The following OPCML variants were observed in gnomAD, a reference collection of about 807,000 sequenced individuals.
OPCML encodes opioid-binding protein/cell adhesion molecule.
Under a neutral mutation model 37.8 loss-of-function variants are expected in OPCML, and 13 were observed. That is an observed-to-expected ratio of 0.34 (90% CI 0.22 to 0.55). The LOEUF is 0.55. Ranked by LOEUF, OPCML falls within the 20% of genes least tolerant of loss-of-function variation. OPCML has a pLI of 0.91. For missense variants in OPCML, 341 were observed against 435.6 expected, an observed-to-expected ratio of 0.78 and a Z score of 1.93; for synonymous variants, 176 against 168.8, an observed-to-expected ratio of 1.04 and a Z score of -0.33.
chr11:132,828,062 A>G (rs1459217108), intron 2 of OPCML, among the ~76,000 whole-genome samples: 1 of 152,318 alleles, frequency 6.6e-6, no homozygotes, highest in East Asian at 1.9e-4. Flanking sequence ...ATTCAGTGCT[A>G]ACAAGAGATG....
chr11:133,125,033 G>A (rs886404986), intron 1 of OPCML, among the ~76,000 whole-genome samples: 1 of 152,082 alleles, frequency 6.6e-6, no homozygotes, highest in African/African-American at 2.4e-5. Flanking sequence ...AGCCCCAATG[G>A]CCTAAGCTCC....
intron 6 of OPCML, 80 bp downstream of exon 6, chr11:132,436,579 C>A: frequency 6.4e-7 from 1 of 1,572,194 alleles, no homozygotes; most frequent in Non-Finnish European, 8.6e-7. Context: ...TTCCCCTTTT[C>A]TTCATCCTCA....
intron 2 of OPCML, among the ~76,000 whole-genome samples, chr11:132,764,743 C>T (rs1759208605): frequency 6.6e-6 from 1 of 152,176 alleles, no homozygotes; most frequent in Admixed American, 6.5e-5. Context: ...CTCTTTGAGC[C>T]TCTCATTCAC....
chr11:132,708,846 T>C (rs920724574), intron 2 of OPCML, among the ~76,000 whole-genome samples: 6 of 152,182 alleles, frequency 3.9e-5, no homozygotes, highest in African/African-American at 1.2e-4. Flanking sequence ...CACCAGATAT[T>C]AAACGATAAT....
Position 133,523,250 on chromosome 11 carries a change from C to T in OPCML, c.61+9014G>A, listed in dbSNP as rs1010621176. ...ATGGGATTTCTAAAAACAACCTATTCCTTGTTCCAGGACAAGATCACACCT... is the reference window on the plus strand; with the variant it reads ...ATGGGATTTCTAAAAACAACCTATTTCTTGTTCCAGGACAAGATCACACCT... On this transcript the variant is annotated intron_variant, in intron 1 of 7. Coordinates refer to ENST00000524381, the MANE Select transcript of OPCML (RefSeq NM_001012393.5). Among the ~76,000 whole-genome samples, 4 of 152,250 alleles carry T rather than the reference C, an allele frequency of 2.6e-5. No homozygotes were observed. The East Asian group carries it at 7.7e-4, about 29-fold the overall frequency.
At position 132,437,277 on chromosome 11, in the gene OPCML, G is replaced by A. The variant is rs560079674; in HGVS notation, c.588C>T (p.Ser196=). The A allele has an allele frequency of 9.0e-5, 145 of 1,614,170 alleles. 4 individuals carry two copies. The South Asian group carries it at 1.2e-3, about 14-fold the overall frequency. The change falls in exon 5 of 8, where the codon AGC becomes AGT. Residue 196 remains serine (S), a synonymous_variant. Coordinates refer to ENST00000524381, the MANE Select transcript of OPCML (RefSeq NM_001012393.5). ...KRDQSGEYEC[S]ALNDVAAPDV... ...CGGGCGCAGCGACATCGTTCAACGC[G>A]CTGCATTCGTACTCCCCGGACTGGT...
chr11:132,580,202 G>A (rs1329075818), intron 3 of OPCML, among the ~76,000 whole-genome samples: 1 of 152,156 alleles, frequency 6.6e-6, no homozygotes, highest in Non-Finnish European at 1.5e-5. Context: ...GCACATTTCT[G>A]TATGACTCCG....
intron 1 of OPCML, among the ~76,000 whole-genome samples, chr11:133,171,890 G>C (rs920267867): frequency 6.6e-6 from 1 of 152,190 alleles, no homozygotes; most frequent in Admixed American, 6.5e-5. Context: ...CCAGGGGCTG[G>C]AACCTAGGTA....
At position 132,675,302 on chromosome 11, in the gene OPCML, T is replaced by C. The variant is rs114655969; in HGVS notation, c.147-17983A>G. Among the ~76,000 whole-genome samples the C allele has an allele frequency of 3.1e-3, 464 of 152,008 alleles. 3 individuals carry two copies. Among genetic ancestry groups the C allele is most frequent in the African/African-American group, 0.011 (445 of 41,500 alleles). On this transcript the variant is annotated intron_variant, in intron 2 of 7. Coordinates refer to ENST00000524381, the MANE Select transcript of OPCML (RefSeq NM_001012393.5). ...GCATATATAAAAGATTTCACTTTTA[T>C]TTACAAAAATCTTGGAGACACAACC...
intron 4 of OPCML, among the ~76,000 whole-genome samples, chr11:132,503,996 A>G (rs1265500595): frequency 2.0e-5 from 3 of 152,178 alleles, no homozygotes. Flanking sequence ...GCAAGGAGAG[A>G]TATCTGCTTC....
chr11:133,224,890 C>T (rs1423441600), intron 1 of OPCML, among the ~76,000 whole-genome samples: 1 of 152,196 alleles, frequency 6.6e-6, no homozygotes, highest in African/African-American at 2.4e-5. Context: ...TCCTCCTAGG[C>T]TTGGCCTTGT....
At chr11:132,916,178 G>A (rs1944596214) in intron 2 of OPCML, among the ~76,000 whole-genome samples, 1 of 152,008 alleles carries the variant, frequency 6.6e-6, no homozygotes, top group South Asian at 2.1e-4. Flanking sequence ...TCTAATTGAT[G>A]GTAACATATA....
At chr11:133,484,817 T>C (rs773175598) in intron 1 of OPCML, among the ~76,000 whole-genome samples, 216 of 152,238 alleles carry the variant, frequency 1.4e-3, no homozygotes, top group Non-Finnish European at 2.3e-3. Flanking sequence ...CATTAAAATA[T>C]AAAGGGAAAT....
At chr11:133,354,305 C>CTG (rs1565588802) in intron 1 of OPCML, among the ~76,000 whole-genome samples, 3 of 9,546 alleles carry the variant, frequency 3.1e-4, no homozygotes, top group African/African-American at 6.6e-4. Context: ...GTGGTGGTGA[C>CTG]GTGTTGGTAG....
chr11:133,522,404 G>C (rs1354190621), intron 1 of OPCML, among the ~76,000 whole-genome samples: 1 of 152,176 alleles, frequency 6.6e-6, no homozygotes, highest in African/African-American at 2.4e-5. Context: ...AAGGAGCAAA[G>C]TATTTCTGGA....
At chr11:133,342,965 C>A (rs2136674641) in intron 1 of OPCML, among the ~76,000 whole-genome samples, 1 of 152,314 alleles carries the variant, frequency 6.6e-6, no homozygotes, top group East Asian at 1.9e-4. Context: ...TGCAGTGGCA[C>A]AATCATAGCT....
chr11:132,989,146 C>A (rs965560183), intron 1 of OPCML, among the ~76,000 whole-genome samples: 1 of 152,094 alleles, frequency 6.6e-6, no homozygotes, highest in Admixed American at 6.5e-5. Context: ...TTAAACATTC[C>A]CAAACTCTGT....
intron 2 of OPCML, among the ~76,000 whole-genome samples, chr11:132,886,085 A>G (rs1400041812): frequency 6.6e-6 from 1 of 152,258 alleles, no homozygotes; most frequent in Non-Finnish European, 1.5e-5. Flanking sequence ...ACATTCCTAT[A>G]AGGGCTACAA....
chr11:132,650,683 C>T (rs191420818), intron 3 of OPCML, among the ~76,000 whole-genome samples: 9 of 152,244 alleles, frequency 5.9e-5, no homozygotes, highest in Admixed American at 4.6e-4. Flanking sequence ...CTACTCTTCA[C>T]CCCATGTTAA....
Sources: gnomAD v4.1 joint callset for allele counts (sites outside exome capture counted in the v4.1 genomes callset) on GRCh38, gnomAD v4.1.1 for gene constraint, MANE v1.5 for transcripts, NCBI Gene and HGNC (gene_info 2026-07-23, HGNC 2026-07-21) for gene names.